The following AAK1 variants were observed in gnomAD, a reference collection of about 807,000 sequenced individuals.
AAK1 encodes AP2-associated protein kinase 1.
AAK1 carries 37 observed loss-of-function variants against 116.0 expected under a neutral mutation model. The observed-to-expected ratio is 0.32, with a 90% CI of 0.25 to 0.42. The LOEUF (loss-of-function observed/expected upper bound fraction) is 0.42. Among genes scored for constraint, AAK1 ranks in the 10% least tolerant of loss-of-function variants. The pLI is 1.00. For missense variants in AAK1, 919 were observed against 1,170.6 expected (o/e 0.79, Z 3.14); for synonymous variants, 458 against 439.9 (o/e 1.04, Z -0.51).
chr2:69,604,712 G>A (rs531378933), intron 2 of AAK1, among the ~76,000 whole-genome samples: 107 of 152,102 alleles, frequency 7.0e-4, no homozygotes, highest in African/African-American at 8.9e-4. Flanking sequence ...AGTGGCAAGC[G>A]GTCCAGTGGG....
chr2:69,510,839 A>G (rs1157440614), intron 13 of AAK1, among the ~76,000 whole-genome samples: 1 of 152,192 alleles, frequency 6.6e-6, no homozygotes, highest in Admixed American at 6.5e-5. Context: ...AAGAACTGGC[A>G]GAGAATATAA....
At chr2:69,600,095 T>C (rs1010536773) in intron 2 of AAK1, among the ~76,000 whole-genome samples, 5 of 152,106 alleles carry the variant, frequency 3.3e-5, no homozygotes, top group African/African-American at 1.2e-4. Flanking sequence ...CCAATGTTTT[T>C]AGATGTCACT....
At chr2:69,615,232 A>T (rs546572983) in intron 2 of AAK1, among the ~76,000 whole-genome samples, 1 of 152,146 alleles carries the variant, frequency 6.6e-6, no homozygotes, top group African/African-American at 2.4e-5. Context: ...CAGCTTAGCC[A>T]CTTCTCGGGA....
At chr2:69,497,768 TTCCTGCACATACAG>T (rs1675806735) in intron 16 of AAK1, among the ~76,000 whole-genome samples, 1 of 152,148 alleles carries the variant, frequency 6.6e-6, no homozygotes, top group East Asian at 1.9e-4. Context: ...CCACAAGAAG[TTCCTGCACATACAG>T]TCCTGTGAAC....
Position 69,479,099 on chromosome 2 carries a change from C to T in AAK1, c.2570-38G>A, listed in dbSNP as rs757378959. ...TAACAGCATCCCAGGTCAGTGATGG[C>T]ATTAAGTGGCACACACAACAATATC... On this transcript the variant is annotated intron_variant, in intron 19 of 21. Transcript: ENST00000409085. The T allele has an allele frequency of 7.6e-6, 10 of 1,320,288 alleles. No individual in the cohort carries two copies. The East Asian group carries it at 2.1e-4, about 27-fold the overall frequency. The allele number at this position is 1,320,288 out of a possible 1,614,324, so 81.8% of individuals were successfully genotyped here.
intron 5 of AAK1, among the ~76,000 whole-genome samples, chr2:69,541,060 CAG>C (rs1670695688): frequency 6.6e-6 from 1 of 151,728 alleles, no homozygotes; most frequent in Non-Finnish European, 1.5e-5. Context: ...AATACAGAGA[CAG>C]AAAGTAGATT....
Position 69,465,129 on chromosome 2 carries a change from G to A in AAK1, c.*10740C>T. On this transcript the variant is annotated 3_prime_UTR_variant, in exon 22 of 22. Transcript: ENST00000409085. ...AACAGTTTCTGTGGGTGGGGCGGGGGGAAAGCAGAGTTCTTGGTGGAAGTG... is the reference window on the plus strand; with the variant it reads ...AACAGTTTCTGTGGGTGGGGCGGGGAGAAAGCAGAGTTCTTGGTGGAAGTG... 4.5e-6 allele frequency: 1 copy of A among 223,582 alleles called. No homozygotes were observed. The highest frequency in any genetic ancestry group is 2.3e-5 in the African/African-American group (1 of 42,860). 13.8% of individuals were successfully genotyped at this position (223,582 alleles called of 1,614,324 possible). A position where few individuals can be genotyped will look rare whatever the true frequency, so the allele number is the denominator to read the frequency against.
chr2:69,605,657 T>C (rs1673767722), intron 2 of AAK1, among the ~76,000 whole-genome samples: 1 of 152,218 alleles, frequency 6.6e-6, no homozygotes, highest in Non-Finnish European at 1.5e-5. Context: ...ACACCAGTTT[T>C]ACATGCACTC....
intron 2 of AAK1, among the ~76,000 whole-genome samples, chr2:69,616,380 T>TA (rs1232884510): frequency 4.6e-5 from 7 of 152,128 alleles, no homozygotes; most frequent in Non-Finnish European, 7.4e-5. Context: ...GCCTCCATTT[T>TA]AAAAAAAGAA....
Position 69,460,354 on chromosome 2 carries a change from A to G in AAK1, c.*15515T>C, listed in dbSNP as rs1674309641. The stretch of plus-strand genomic sequence containing the variant: ...ATATACTGCATATATATTATATCTG[A>G]TATATGTTTTGATTATTTTTCTTTA... On this transcript the variant is annotated 3_prime_UTR_variant, in exon 22 of 22. Coordinates refer to ENST00000409085, the MANE Select transcript of AAK1 (RefSeq NM_014911.5). 1 of 152,600 alleles carries G rather than the reference A, an allele frequency of 6.6e-6. No homozygotes were observed. The highest frequency in any genetic ancestry group is 2.4e-5 in the African/African-American group (1 of 41,434). 9.5% of individuals were successfully genotyped at this position (152,600 alleles called of 1,614,324 possible). A position where few individuals can be genotyped will look rare whatever the true frequency, so the allele number is the denominator to read the frequency against.
intron 5 of AAK1, among the ~76,000 whole-genome samples, chr2:69,538,953 ATCC>A (rs1286391180): frequency 6.6e-6 from 1 of 152,110 alleles, no homozygotes; most frequent in Non-Finnish European, 1.5e-5. Flanking sequence ...TTCTAAAAGG[ATCC>A]TCTGTGTCCC....
chr2:69,502,339 T>C (rs957172551), intron 16 of AAK1, among the ~76,000 whole-genome samples: 3 of 152,150 alleles, frequency 2.0e-5, no homozygotes, highest in Non-Finnish European at 4.4e-5. Flanking sequence ...TAAGGTTCTC[T>C]GGCTGGGTGC....
intron 3 of AAK1, among the ~76,000 whole-genome samples, chr2:69,548,994 A>C (rs556773012): frequency 6.6e-6 from 1 of 152,212 alleles, no homozygotes; most frequent in East Asian, 1.9e-4. Flanking sequence ...TTCCTTACCT[A>C]TCTGGAATCT....
Position 69,459,690 on chromosome 2 carries a change from A to G in AAK1, c.*16179T>C, listed in dbSNP as rs1240063138. On this transcript the variant is annotated 3_prime_UTR_variant, in exon 22 of 22. Coordinates refer to ENST00000409085, the MANE Select transcript of AAK1 (RefSeq NM_014911.5). ...CAACTGTGCCATTCATCATGCACTT[A>G]TTGACATGCTCAAAATAGGGGAATG... 1 of 152,262 alleles carries G rather than the reference A, an allele frequency of 6.6e-6. No individual in the cohort carries two copies. Among genetic ancestry groups the G allele is most frequent in the Non-Finnish European group, 1.5e-5 (1 of 68,042 alleles). The allele number at this position is 152,262 out of a possible 1,614,324, so 9.4% of individuals were successfully genotyped here.
Position 69,568,596 on chromosome 2 carries a change from A to G in AAK1, c.164-11618T>C, listed in dbSNP as rs144945224. On this transcript the variant is annotated intron_variant, in intron 2 of 21. Transcript: ENST00000409085. ...GAGGTGCATGCCACCACACCCAACT[A>G]ATTTTTAAATTTTTTGTAGAGACAG... Among the ~76,000 whole-genome samples the G allele has an allele frequency of 9.9e-5, 15 of 151,838 alleles. No individual in the cohort carries two copies. In the East Asian group the frequency reaches 2.7e-3, roughly 27 times the overall value.
intron 2 of AAK1, among the ~76,000 whole-genome samples, chr2:69,564,308 C>T (rs544009467): frequency 3.9e-5 from 6 of 152,040 alleles, no homozygotes; most frequent in East Asian, 1.9e-4. Flanking sequence ...AGTGGCTGCA[C>T]GAGGAAAAAC....
At chr2:69,543,288 A>G (rs1347008814) in intron 4 of AAK1, among the ~76,000 whole-genome samples, 1 of 152,240 alleles carries the variant, frequency 6.6e-6, no homozygotes, top group Admixed American at 6.5e-5. Flanking sequence ...AGGAGGAAAC[A>G]AACGGTCAAG....
At chr2:69,592,014 T>C (rs1014837248) in intron 2 of AAK1, among the ~76,000 whole-genome samples, 1 of 152,186 alleles carries the variant, frequency 6.6e-6, no homozygotes, top group Non-Finnish European at 1.5e-5. Context: ...CTGGTTCTCC[T>C]AGTCCACAGA....
rs139406180 is a variant in AAK1, at chr2:69,496,390, G to A, written c.2270-310C>T. Among the ~76,000 whole-genome samples, 167 of 150,644 alleles carry A rather than the reference G, an allele frequency of 1.1e-3. 1 individual carries two copies. The highest frequency in any genetic ancestry group is 3.8e-3 in the African/African-American group (156 of 40,900). On this transcript the variant is annotated intron_variant, in intron 16 of 21. Transcript: ENST00000409085. ...CGGTTCAAGCGATTCTCCTGCCTCA[G>A]CCTCCTGAGTCGCCAGGCGCCTGCC...
Sources: allele counts gnomAD v4.1 joint callset (sites outside exome capture counted in the v4.1 genomes callset), GRCh38; gene constraint gnomAD v4.1.1; transcripts MANE v1.5; gene names NCBI Gene and HGNC (gene_info 2026-07-23, HGNC 2026-07-21).